The following KANK3 variants were observed in gnomAD, a reference collection of about 807,000 sequenced individuals.
The protein encoded by KANK3 is KN motif and ankyrin repeat domains 3.
A neutral mutation model predicts 65.4 loss-of-function variants in KANK3; 61 were observed. The ratio of observed to expected loss-of-function variants is 0.93; its 90% CI spans 0.76 to 1.15. KANK3 has a LOEUF of 1.15. Ranked by LOEUF, KANK3 falls within the 50% of genes most tolerant of loss-of-function variation. KANK3 has a pLI of 0.00. For missense variants in KANK3, 1,187 were observed against 1,178.8 expected (o/e 1.01, Z -0.10); for synonymous variants, 586 against 543.3 (o/e 1.08, Z -1.09).
At chr19:8,327,152 T>G (rs1007518251) in intron 7 of KANK3, among the ~76,000 whole-genome samples, 28 of 151,778 alleles carry the variant, frequency 1.8e-4, no homozygotes, top group African/African-American at 5.6e-4. Flanking sequence ...GATAACCTAG[T>G]GAGGAAGGAG....
rs2145431933 is a variant in KANK3, at chr19:8,334,645, C to T, written c.1182G>A (p.Arg394=). 6.5e-7 allele frequency: 1 copy of T among 1,533,392 alleles called. No individual in the cohort carries two copies. The highest frequency in any genetic ancestry group is 1.4e-5 in the African/African-American group (1 of 72,886). The allele number at this position is 1,533,392 out of a possible 1,614,324, so 95.0% of individuals were successfully genotyped here. A position where few individuals can be genotyped will look rare whatever the true frequency, so the allele number is the denominator to read the frequency against. The change falls in exon 3 of 11, where the codon CGG becomes CGA. Residue 394 remains arginine (R), a synonymous_variant. Coordinates refer to ENST00000330915, the MANE Select transcript of KANK3 (RefSeq NM_198471.3). ...GGGTGGTGGCCTCGCGTAGCTGGGC[C>T]CGGGCCCCCGCCGCTGCCTCCTCCG... ...EAAEEAAAGA[R]AQLREATTQT... is the part of the protein sequence containing the mutation.
chr19:8,333,067 T>C lies in KANK3; in HGVS notation c.1883A>G (p.His628Arg). 1 of 1,512,668 alleles carries C rather than the reference T, an allele frequency of 6.6e-7. No homozygotes were observed. The highest frequency in any genetic ancestry group is 8.9e-7 in the Non-Finnish European group (1 of 1,117,834). 93.7% of individuals were successfully genotyped at this position (1,512,668 alleles called of 1,614,324 possible). Residue 628 changes from histidine (H) to arginine (R), a missense_variant, in exon 7 of 11, where the codon CAC becomes CGC. His to Arg is a conservative substitution (Grantham distance 29). This residue lies in a region of KANK3 where 1,078 missense variants were observed against 1,038.2 expected (regional missense o/e 1.04). Transcript: ENST00000330915. This position sits in a 1 kb window ranked among gnomAD's most constrained non-coding sequence, Gnocchi z 5.0. ...CAGGTTCCCGTGGGACACACTGTAG[T>C]GCAGGGCCGTGTTCCCGTTGCCATC... ...LADGNGNTAL[H>R]YSVSHGNLAI...
At position 8,340,291 on chromosome 19, in the gene KANK3, T is replaced by TAC. The variant is rs147457593; in HGVS notation, c.-28-2437_-28-2436dup. Among the ~76,000 whole-genome samples the TAC allele has an allele frequency of 8.5e-3, 785 of 92,432 alleles. 9 individuals carry two copies. Among genetic ancestry groups the TAC allele is most frequent in the Admixed American group, 0.026 (206 of 7,794 alleles). The allele number at this position is 92,432 out of a possible 152,430, so 60.6% of individuals were successfully genotyped here. A position where few individuals can be genotyped will look rare whatever the true frequency, so the allele number is the denominator to read the frequency against. ...AAAAAAAACCATATATATATATATA[T>TAC]ACACACACACACACACACACACACA... On this transcript the variant is annotated intron_variant, in intron 1 of 10. Coordinates refer to ENST00000330915, the MANE Select transcript of KANK3 (RefSeq NM_198471.3).
rs988699647 is a variant in KANK3, at chr19:8,325,164, C to A, written c.1937-68G>T. On this transcript the variant is annotated intron_variant, in intron 7 of 10. Transcript: ENST00000330915. ...CGGCCCGACTTGATCCACTCACCTC[C>A]CTGCAAGCCTCGGGCACAGCACCTG... 8 of 1,505,688 alleles carry A rather than the reference C, an allele frequency of 5.3e-6. No individual in the cohort carries two copies. The Admixed American group carries it at 1.7e-4, about 33-fold the overall frequency. 93.3% of individuals were successfully genotyped at this position (1,505,688 alleles called of 1,614,324 possible).
intron 10 of KANK3, 51 bp downstream of exon 10, chr19:8,324,398 C>G: frequency 6.6e-7 from 1 of 1,513,748 alleles, no homozygotes; most frequent in Non-Finnish European, 9.0e-7. Context: ...CTATCCTCTG[C>G]AAACTGAATT....
chr19:8,339,606 C>T (rs1450730968), intron 1 of KANK3, among the ~76,000 whole-genome samples: 1 of 152,042 alleles, frequency 6.6e-6, no homozygotes, highest in East Asian at 1.9e-4. Context: ...GTGATCCACC[C>T]ACCTCGGCAT....
rs1484219324 is a variant in KANK3, at chr19:8,322,737, GC to G, written c.*101del. The stretch of plus-strand genomic sequence containing the variant: ...TTGCCTTTCTCTTCGGCCAGTGTTA[GC>G]CTCTGAGCAGGGGACCCTGGACCCT... On this transcript the variant is annotated 3_prime_UTR_variant, in exon 11 of 11. Transcript: ENST00000330915. 3.6e-6 allele frequency: 2 copies of G among 562,588 alleles called. No homozygotes were observed. The highest frequency in any genetic ancestry group is 6.4e-5 in the East Asian group (2 of 31,154). The allele number at this position is 562,588 out of a possible 1,614,324, so 34.8% of individuals were successfully genotyped here. A position where few individuals can be genotyped will look rare whatever the true frequency, so the allele number is the denominator to read the frequency against.
intron 1 of KANK3, 35 bp from the exon 2 acceptor site, chr19:8,337,891 C>T (rs544769801): frequency 5.0e-6 from 8 of 1,610,852 alleles, no homozygotes; most frequent in Non-Finnish European, 6.8e-6. Context: ...TGGGCGCTGT[C>T]CCTCTGGCTG....
intron 8 of KANK3, 55 bp from the exon 9 acceptor site, chr19:8,324,885 T>G (rs1970395285): frequency 2.1e-6 from 2 of 959,110 alleles, no homozygotes; most frequent in Non-Finnish European, 2.8e-6. Flanking sequence ...GGAAGGGAGG[T>G]CACAGGTTGA....
rs1359236528 is a variant in KANK3, at chr19:8,334,399, TC to T, written c.1347del (p.Met449IlefsTer100). ...VAPAGILKSI[M>X]KKRDGTPGAQ... ...GCACCAGGTGTGCCGTCTCTCTTCTTCATGATGGATTTGAGGATGCCTGGCG... is the reference window on the plus strand; with the variant it reads ...GCACCAGGTGTGCCGTCTCTCTTCTTATGATGGATTTGAGGATGCCTGGCG... On this transcript the variant is annotated frameshift_variant, in exon 4 of 11. Transcript: ENST00000330915. LOFTEE classifies it high-confidence loss of function. The T allele has an allele frequency of 6.2e-7, 1 of 1,613,978 alleles. No homozygotes were observed. The highest frequency in any genetic ancestry group is 1.1e-5 in the South Asian group (1 of 91,088).
chr19:8,334,276 C>T (rs757263409), intron 4 of KANK3, 44 bp downstream of exon 4: 4 of 1,610,518 alleles, frequency 2.5e-6, no homozygotes, highest in East Asian at 4.5e-5. Context: ...CAACCCCAGT[C>T]TATGTCCCGG....
chr19:8,329,721 A>T (rs992385754), intron 7 of KANK3, among the ~76,000 whole-genome samples: 1 of 152,152 alleles, frequency 6.6e-6, no homozygotes, highest in Non-Finnish European at 1.5e-5. Flanking sequence ...GGGCACCTGC[A>T]GACCAGATTC....
chr19:8,327,954 C>A (rs967662231), intron 7 of KANK3, among the ~76,000 whole-genome samples: 5 of 152,190 alleles, frequency 3.3e-5, no homozygotes, highest in African/African-American at 4.8e-5. Context: ...TCTCCCTTTT[C>A]TCTTGCAGCT....
rs1049947867 is a variant in KANK3, at chr19:8,334,940, C to T, written c.887G>A (p.Gly296Glu). Residue 296 changes from glycine (G) to glutamate (E), a missense_variant, in exon 3 of 11, where the codon GGG becomes GAG. This residue lies in a region of KANK3 where 1,078 missense variants were observed against 1,038.2 expected (regional missense o/e 1.04). Transcript: ENST00000330915. ...VLDGEVGSLDGTPQTREVAAE... is the reference protein window; with the variant it reads ...VLDGEVGSLDETPQTREVAAE... ...GGCCACCTCCCGGGTCTGGGGCGTC[C>T]CATCGAGACTCCCGACCTCCCCGTC... 14 of 1,486,006 alleles carry T rather than the reference C, an allele frequency of 9.4e-6. No homozygotes were observed. Among genetic ancestry groups the T allele is most frequent in the Non-Finnish European group, 1.2e-5 (13 of 1,127,962 alleles). The allele number at this position is 1,486,006 out of a possible 1,614,324, so 92.1% of individuals were successfully genotyped here. A position where few individuals can be genotyped will look rare whatever the true frequency, so the allele number is the denominator to read the frequency against.
intron 7 of KANK3, among the ~76,000 whole-genome samples, chr19:8,325,731 C>T (rs1970416442): frequency 6.6e-6 from 1 of 152,120 alleles, no homozygotes; most frequent in African/African-American, 2.4e-5. Flanking sequence ...TCATGGCCAC[C>T]ACCCGCCAAG....
At position 8,334,862 on chromosome 19, in the gene KANK3, G is replaced by C; in HGVS notation, c.965C>G (p.Thr322Ser). 1 of 1,463,294 alleles carries C rather than the reference G, an allele frequency of 6.8e-7. No individual in the cohort carries two copies. Among genetic ancestry groups the C allele is most frequent in the South Asian group, 1.3e-5 (1 of 75,548 alleles). 90.6% of individuals were successfully genotyped at this position (1,463,294 alleles called of 1,614,324 possible). The change falls in exon 3 of 11, where the codon ACC becomes AGC. Residue 322 changes from threonine (T) to serine (S), a missense_variant. Around this residue, in one of 3 missense-constraint regions of KANK3, gnomAD observed 1,078 missense variants for 1,038.2 expected, o/e 1.04. Transcript: ENST00000330915. ...REAGAQAVPE[T>S]REAGVEAAPE... is the part of the protein sequence containing the mutation. ...GGCAGCCTCCACGCCGGCCTCCCGGGTCTCCGGCACGGCCTGGGCACCCGC... is the reference window on the plus strand; with the variant it reads ...GGCAGCCTCCACGCCGGCCTCCCGGCTCTCCGGCACGGCCTGGGCACCCGC...
chr19:8,333,845 GGGACAGCGCCGACCAGGAGGA>G lies in KANK3; in HGVS notation c.1634+44_1635-38del. 1 of 1,547,474 alleles carries G rather than the reference GGGACAGCGCCGACCAGGAGGA, an allele frequency of 6.5e-7. No individual in the cohort carries two copies. The highest frequency in any genetic ancestry group is 1.4e-5 in the African/African-American group (1 of 73,106). On this transcript the variant is annotated intron_variant, in intron 5 of 10. Coordinates refer to ENST00000330915, the MANE Select transcript of KANK3 (RefSeq NM_198471.3). This position sits in a 1 kb window ranked among gnomAD's most constrained non-coding sequence, Gnocchi z 5.0. ...GCCAGGAGAGACTCAGGATGGATCG[GGGACAGCGCCGACCAGGAGGA>G]GGGCAGCCGCCTCCTCTCCAAACAA...
intron 1 of KANK3, among the ~76,000 whole-genome samples, chr19:8,340,354 GTAT>G (rs1385473540): frequency 6.6e-6 from 1 of 151,002 alleles, no homozygotes; most frequent in African/African-American, 2.5e-5. Flanking sequence ...CTGCAAAGTA[GTAT>G]TATTATTCAT....
rs1970598252 is a variant in KANK3, at chr19:8,334,757, A to C, written c.1070T>G (p.Leu357Arg). The C allele has an allele frequency of 1.3e-6, 2 of 1,508,018 alleles. No individual in the cohort carries two copies. Among genetic ancestry groups the C allele is most frequent in the African/African-American group, 1.4e-5 (1 of 68,968 alleles). 93.4% of individuals were successfully genotyped at this position (1,508,018 alleles called of 1,614,324 possible). Residue 357 changes from leucine (L) to arginine (R), a missense_variant, in exon 3 of 11, where the codon CTG becomes CGG. Leu to Arg is a moderately radical substitution (Grantham distance 102). This residue lies in a region of KANK3 where 1,078 missense variants were observed against 1,038.2 expected (regional missense o/e 1.04). Coordinates refer to ENST00000330915, the MANE Select transcript of KANK3 (RefSeq NM_198471.3). ...CTGGTGCTCCAGACTGGCGCGCAGC[A>C]GCTCTAGCTCGCGCTCGGCGGCCGC... The part of the protein sequence containing the change: ...LPAAAERELE[L>R]LRASLEHQRG...
Sources: allele counts gnomAD v4.1 joint callset (sites outside exome capture counted in the v4.1 genomes callset), GRCh38; gene constraint gnomAD v4.1.1; regional missense constraint gnomAD v4.1.1; non-coding constraint Gnocchi (gnomAD v3.1); transcripts MANE v1.5; gene names NCBI Gene and HGNC (gene_info 2026-07-23, HGNC 2026-07-21).